PPP4R2: variants seen among roughly 807,000 people sequenced by gnomAD.
The protein encoded by PPP4R2 is serine/threonine-protein phosphatase 4 regulatory subunit 2.
PPP4R2 carries 13 observed loss-of-function variants against 47.2 expected under a neutral mutation model. The observed-to-expected ratio is 0.28, with a 90% CI of 0.18 to 0.44. The LOEUF is 0.44. PPP4R2 is among the 20% of genes least tolerant of loss of function. The pLI is 1.00. For missense variants in PPP4R2, 421 were observed against 491.2 expected (o/e 0.86, Z 1.35); for synonymous variants, 151 against 163.3 (o/e 0.92, Z 0.57).
intron 2 of PPP4R2, among the ~76,000 whole-genome samples, chr3:73,040,283 C>T (rs1254330994): frequency 6.6e-6 from 1 of 152,072 alleles, no homozygotes; most frequent in Non-Finnish European, 1.5e-5. Context: ...CTTTATATTA[C>T]TGATGACACT....
At chr3:73,036,901 A>G (rs934337147) in intron 2 of PPP4R2, among the ~76,000 whole-genome samples, 6 of 152,222 alleles carry the variant, frequency 3.9e-5, no homozygotes, top group African/African-American at 1.4e-4. Flanking sequence ...TTTACTGTCA[A>G]ACTCAAGATT....
chr3:73,026,391 T>C (rs957038936), intron 2 of PPP4R2, among the ~76,000 whole-genome samples: 2 of 152,278 alleles, frequency 1.3e-5, no homozygotes, highest in Middle Eastern at 3.4e-3. Flanking sequence ...AAAAGATACA[T>C]GCAAGGGGTC....
At chr3:73,027,687 T>TC (rs1478340852) in intron 2 of PPP4R2, 1 of 150,274 alleles carries the variant, frequency 6.7e-6, no homozygotes, top group African/African-American at 2.5e-5. Flanking sequence ...TGTGTGTGTT[T>TC]GTGTGTGTGA....
In PPP4R2 at chr3:73,037,507, C is replaced by CT. The variant is rs200259319; in HGVS notation, c.117-9671dup. ...TGGTTCATTTGGCAATGACTAGAGA[C>CT]TTTTTTTTACCACTTGGAGTGAGGA... On this transcript the variant is annotated intron_variant, in intron 2 of 8. Coordinates refer to ENST00000356692, the MANE Select transcript of PPP4R2 (RefSeq NM_174907.4). Among the ~76,000 whole-genome samples, 83 of 152,030 alleles carry CT rather than the reference C, an allele frequency of 5.5e-4. No homozygotes were observed. The East Asian group carries it at 8.1e-3, about 15-fold the overall frequency.
intron 2 of PPP4R2, among the ~76,000 whole-genome samples, chr3:73,019,592 T>G (rs1338506106): frequency 1.3e-5 from 2 of 152,230 alleles, no homozygotes; most frequent in Non-Finnish European, 2.9e-5. Context: ...TAGGCTGGTC[T>G]CGAACTCCTG....
At position 73,068,772 on chromosome 3, in the gene PPP4R2, A is replaced by AG. The variant is rs1211281420; in HGVS notation, c.*3052dup. 3 of 152,258 alleles carry AG rather than the reference A, an allele frequency of 2.0e-5. No homozygotes were observed. The highest frequency in any genetic ancestry group is 4.4e-5 in the Non-Finnish European group (3 of 68,046). 9.4% of individuals were successfully genotyped at this position (152,258 alleles called of 1,614,324 possible). A position where few individuals can be genotyped will look rare whatever the true frequency, so the allele number is the denominator to read the frequency against. On this transcript the variant is annotated 3_prime_UTR_variant, in exon 9 of 9. Transcript: ENST00000356692. ...AAATGTAATATACTAGTTTACTTAA[A>AG]GGTACTTGGGCAGAATCTAAAGCTG...
chr3:73,057,234 A>G (rs1702747702), intron 3 of PPP4R2, among the ~76,000 whole-genome samples: 1 of 152,158 alleles, frequency 6.6e-6, no homozygotes, highest in South Asian at 2.1e-4. Flanking sequence ...ACATTTTTAA[A>G]GTAGAGTTAG....
rs1354846566 is a variant in PPP4R2, at chr3:73,066,053, GATT to G, written c.*334_*336del. ...ATTACAATTTTGAAAAGTTTTTTGA[GATT>G]ATCACATTTAGTTTATACATATGCA... is the stretch of plus-strand genomic sequence containing the variant. On this transcript the variant is annotated 3_prime_UTR_variant, in exon 9 of 9. Coordinates refer to ENST00000356692, the MANE Select transcript of PPP4R2 (RefSeq NM_174907.4). 6.2e-6 allele frequency: 1 copy of G among 160,160 alleles called. No individual in the cohort carries two copies. The highest frequency in any genetic ancestry group is 2.0e-4 in the South Asian group (1 of 4,918). 9.9% of individuals were successfully genotyped at this position (160,160 alleles called of 1,614,324 possible). A position where few individuals can be genotyped will look rare whatever the true frequency, so the allele number is the denominator to read the frequency against.
intron 2 of PPP4R2, among the ~76,000 whole-genome samples, chr3:73,026,600 C>G (rs369837356): frequency 1.3e-5 from 2 of 152,140 alleles, no homozygotes; most frequent in Non-Finnish European, 2.9e-5. Flanking sequence ...TGGCCTATAC[C>G]GAGCTTATAC....
intron 8 of PPP4R2, 104 bp downstream of exon 8, chr3:73,065,245 G>T: frequency 7.5e-7 from 1 of 1,333,916 alleles, no homozygotes; most frequent in South Asian, 1.5e-5. Flanking sequence ...TCCTTATAAT[G>T]CTGATGTTGG....
At chr3:73,019,065 A>G (rs968159181) in intron 2 of PPP4R2, among the ~76,000 whole-genome samples, 3 of 152,196 alleles carry the variant, frequency 2.0e-5, no homozygotes, top group Non-Finnish European at 2.9e-5. Context: ...GATGGACCAC[A>G]TATATGATGG....
Position 72,996,905 on chromosome 3 carries a change from TC to T in PPP4R2, c.-124del, listed in dbSNP as rs1001324192. 3,863 of 484,028 alleles carry T rather than the reference TC, an allele frequency of 8.0e-3. 2 individuals carry two copies. Among genetic ancestry groups the T allele is most frequent in the South Asian group, 0.014 (169 of 12,292 alleles). The allele number at this position is 484,028 out of a possible 1,614,324, so 30.0% of individuals were successfully genotyped here. ...CACGCTTCCCCCGGCTCCCTTCGTT[TC>T]CCCCCCCCGGTCGCCTGCGTGCCGG... is the stretch of plus-strand genomic sequence containing the variant. On this transcript the variant is annotated 5_prime_UTR_variant, in exon 1 of 9. Transcript: ENST00000356692.
intron 2 of PPP4R2, among the ~76,000 whole-genome samples, chr3:73,046,477 C>A (rs1485420972): frequency 6.6e-6 from 1 of 152,088 alleles, no homozygotes; most frequent in African/African-American, 2.4e-5. Context: ...AGGCAGGTAT[C>A]CTCACAAAAT....
At chr3:73,032,741 C>G (rs1044860106) in intron 2 of PPP4R2, among the ~76,000 whole-genome samples, 1 of 152,190 alleles carries the variant, frequency 6.6e-6, no homozygotes, top group African/African-American at 2.4e-5. Flanking sequence ...TGCACACAAA[C>G]TTCCCACTTT....
chr3:73,004,211 T>TC lies in PPP4R2; in HGVS notation c.116+6057dup, dbSNP rs530071161. Among the ~76,000 whole-genome samples the TC allele has an allele frequency of 4.1e-3, 616 of 151,858 alleles. 8 individuals are homozygous for TC. The highest frequency in any genetic ancestry group is 0.013 in the African/African-American group (555 of 41,342). On this transcript the variant is annotated intron_variant, in intron 2 of 8. Coordinates refer to ENST00000356692, the MANE Select transcript of PPP4R2 (RefSeq NM_174907.4). Reference sequence around the variant, plus strand: ...TTTTTTTTTTGCCCCCCTTTTTATTTCCCCTTTTTGTTGAGCATGGGGTCT... The same window carrying TC: ...TTTTTTTTTTGCCCCCCTTTTTATTTCCCCCTTTTTGTTGAGCATGGGGTCT...
At chr3:73,046,587 A>C (rs1409668521) in intron 2 of PPP4R2, among the ~76,000 whole-genome samples, 1 of 152,170 alleles carries the variant, frequency 6.6e-6, no homozygotes, top group Non-Finnish European at 1.5e-5. Flanking sequence ...TAAGCAAATT[A>C]TGTATTTTTA....
At chr3:73,031,853 G>C (rs147043590) in intron 2 of PPP4R2, among the ~76,000 whole-genome samples, 15 of 152,260 alleles carry the variant, frequency 9.9e-5, no homozygotes, top group Non-Finnish European at 2.2e-4. Context: ...TCCCCATCCT[G>C]AGTTTCTTGA....
intron 3 of PPP4R2, among the ~76,000 whole-genome samples, chr3:73,058,587 A>T (rs1458347298): frequency 6.6e-6 from 1 of 152,066 alleles, no homozygotes; most frequent in African/African-American, 2.4e-5. Context: ...TGATAGAGCC[A>T]TACAATGCAT....
intron 5 of PPP4R2, chr3:73,063,040 G>C: frequency 1.2e-6 from 1 of 820,502 alleles, no homozygotes; most frequent in Non-Finnish European, 2.0e-6. Context: ...GGTTAAAAAG[G>C]CATTGGGGAA....
Sources: allele counts gnomAD v4.1 joint callset (sites outside exome capture counted in the v4.1 genomes callset), GRCh38; gene constraint gnomAD v4.1.1; transcripts MANE v1.5; gene names NCBI Gene and HGNC (gene_info 2026-07-23, HGNC 2026-07-21).